The following ITPR1 variants were observed in gnomAD, a reference collection of about 807,000 sequenced individuals.
ITPR1 encodes the protein inositol 1,4,5-trisphosphate-gated calcium channel ITPR1.
ITPR1 carries 96 observed loss-of-function variants against 318.4 expected under a neutral mutation model. The observed-to-expected ratio is 0.30, with a 90% confidence interval of 0.26 to 0.36. ITPR1 has a LOEUF of 0.36. Ranked by LOEUF, ITPR1 falls within the 10% of genes least tolerant of loss-of-function variation. The pLI, the probability that ITPR1 is intolerant of heterozygous loss-of-function variation, is 1.00. For missense variants in ITPR1, 2,440 were observed against 3,460.2 expected (o/e 0.71, Z 7.40); for synonymous variants, 1,312 against 1,289.9 (o/e 1.02, Z -0.37).
chr3:4,655,148 T>A (rs2093678109), intron 12 of ITPR1, among the ~76,000 whole-genome samples: 1 of 152,214 alleles, frequency 6.6e-6, no homozygotes, highest in Non-Finnish European at 1.5e-5. Flanking sequence ...AGGGACGTCA[T>A]GTTTCACAGG....
Position 4,711,620 on chromosome 3 carries a change from C to A in ITPR1, c.4992-137C>A, listed in dbSNP as rs138857860. 858 of 628,370 alleles carry A rather than the reference C, an allele frequency of 1.4e-3. 10 individuals carry two copies. The East Asian group carries it at 0.021, about 16-fold the overall frequency. 38.9% of individuals were successfully genotyped at this position (628,370 alleles called of 1,614,324 possible). Reference sequence around the variant, plus strand: ...CTGGCTGTTCTCAGTGCAGGGAATGCCCTGAAGTATCTTTAACCTGAGAGC... The same window carrying A: ...CTGGCTGTTCTCAGTGCAGGGAATGACCTGAAGTATCTTTAACCTGAGAGC... On this transcript the variant is annotated intron_variant, in intron 38 of 61. Transcript: ENST00000649015.
chr3:4,838,419 G>GC (rs957798570), intron 61 of ITPR1, among the ~76,000 whole-genome samples: 56 of 151,394 alleles, frequency 3.7e-4, no homozygotes, highest in South Asian at 3.1e-3. Context: ...TTCTGGCACT[G>GC]CCCCCCCAAC....
chr3:4,730,911 C>T (rs974813025), intron 42 of ITPR1, among the ~76,000 whole-genome samples: 1 of 152,136 alleles, frequency 6.6e-6, no homozygotes, highest in Non-Finnish European at 1.5e-5. Context: ...CTGCGGCTTA[C>T]GGGTCTCAGC....
chr3:4,811,454 G>C lies in ITPR1; in HGVS notation c.7462G>C (p.Val2488Leu), dbSNP rs1399082347. ...EVDRLPNETA[V>L]PETGESLASE... The stretch of plus-strand genomic sequence containing the variant: ...AGATAGGCTGCCCAATGAAACAGCT[G>C]TTCCAGGTGGGTTTGGGATCTTCTG... Residue 2488 changes from valine (V) to leucine (L), a missense_variant, in exon 56 of 62, where the codon GTT (valine) becomes CTT (leucine). By Grantham distance (32) the Val-to-Leu change is conservative. Coordinates refer to ENST00000649015, the MANE Select transcript of ITPR1 (RefSeq NM_001378452.1). 1 of 1,612,968 alleles carries C rather than the reference G, an allele frequency of 6.2e-7. No homozygotes were observed.
chr3:4,497,956 A>T (rs762198320), intron 2 of ITPR1, among the ~76,000 whole-genome samples: 1 of 152,230 alleles, frequency 6.6e-6, no homozygotes, highest in South Asian at 2.1e-4. Flanking sequence ...AAAAGGACAC[A>T]TATTTTATGA....
intron 7 of ITPR1, among the ~76,000 whole-genome samples, chr3:4,642,700 C>T (rs1465323763): frequency 1.3e-5 from 2 of 152,162 alleles, no homozygotes; most frequent in African/African-American, 4.8e-5. Flanking sequence ...TGTCGAGAAG[C>T]CGGCAGGCTC....
chr3:4,516,701 G>A (rs2082197374), intron 3 of ITPR1, 118 bp downstream of exon 3: 11 of 704,398 alleles, frequency 1.6e-5, no homozygotes, highest in Non-Finnish European at 2.7e-5. Flanking sequence ...TCTAAGTGCG[G>A]TTGAAATCAC....
At chr3:4,774,536 TCTC>T (rs1258390583) in intron 46 of ITPR1, among the ~76,000 whole-genome samples, 4 of 152,176 alleles carry the variant, frequency 2.6e-5, no homozygotes, top group Admixed American at 6.5e-5. Flanking sequence ...CTGACAAAAA[TCTC>T]CTCATTAAAA....
At chr3:4,764,974 ATG>A (rs879474741) in intron 44 of ITPR1, among the ~76,000 whole-genome samples, 2,483 of 147,822 alleles carry the variant, frequency 0.017, 41 homozygotes, top group South Asian at 0.068. Context: ...GGATGGATGG[ATG>A]GATGGATGGA....
intron 2 of ITPR1, among the ~76,000 whole-genome samples, chr3:4,511,660 C>T (rs1447254236): frequency 6.6e-6 from 1 of 152,168 alleles, no homozygotes; most frequent in African/African-American, 2.4e-5. Flanking sequence ...CATTTTACAG[C>T]TGGGAAAAGT....
At chr3:4,721,617 G>A (rs9812100) in intron 40 of ITPR1, among the ~76,000 whole-genome samples, 49,958 of 152,010 alleles carry the variant, frequency 0.33, 9,613 homozygotes, top group Non-Finnish European at 0.45. Flanking sequence ...TGATTCGAGC[G>A]GCTGGAGATA....
At chr3:4,507,434 C>A (rs918006387) in intron 2 of ITPR1, among the ~76,000 whole-genome samples, 1 of 152,158 alleles carries the variant, frequency 6.6e-6, no homozygotes, top group African/African-American at 2.4e-5. Flanking sequence ...AATTGACCAT[C>A]TCTAAGTCTG....
Position 4,817,980 on chromosome 3 carries a change from A to C in ITPR1, c.7868-102A>C, listed in dbSNP as rs548054607. 3 of 874,942 alleles carry C rather than the reference A, an allele frequency of 3.4e-6. No individual in the cohort carries two copies. In the South Asian group the frequency reaches 6.8e-5, roughly 20 times the overall value. 54.2% of individuals were successfully genotyped at this position (874,942 alleles called of 1,614,324 possible). On this transcript the variant is annotated intron_variant, in intron 59 of 61. Transcript: ENST00000649015. ...GAATCCAACTCTTTATAAAGACAGGAGTGAAACCACAGCCCCCTTTCTACT... is the reference window on the plus strand; with the variant it reads ...GAATCCAACTCTTTATAAAGACAGGCGTGAAACCACAGCCCCCTTTCTACT...
chr3:4,568,944 G>A (rs1308613813), intron 4 of ITPR1, among the ~76,000 whole-genome samples: 1 of 152,122 alleles, frequency 6.6e-6, no homozygotes, highest in Non-Finnish European at 1.5e-5. Flanking sequence ...TTTTAGCCAT[G>A]GTGGAAGGTA....
chr3:4,769,292 G>A (rs111583196), intron 46 of ITPR1, among the ~76,000 whole-genome samples: 1 of 152,110 alleles, frequency 6.6e-6, no homozygotes, highest in Non-Finnish European at 1.5e-5. Flanking sequence ...ACCACATCTT[G>A]TGCACCAACA....
At chr3:4,671,015 G>T (rs770126138) in intron 20 of ITPR1, 89 bp downstream of exon 20, 1 of 939,580 alleles carries the variant, frequency 1.1e-6, no homozygotes, top group Non-Finnish European at 1.5e-6. Flanking sequence ...TTACTTCAAG[G>T]AATCACAAGG....
rs772182178 is a variant in ITPR1 at position 4,691,254 on chromosome 3, T to G, written c.3939T>G (p.Gly1313=). ...TCGTTCACTGCATAGAGACTCACGG[T>G]CGGAATGTCCAGTATATAAAGTTCT... The part of the protein sequence containing the change: ...QHFVHCIETH[G]RNVQYIKFLQ... Residue 1313 remains glycine, a synonymous_variant, in exon 32 of 62, where the codon GGT becomes GGG. Transcript: ENST00000649015. 1.2e-6 allele frequency: 2 copies of G among 1,613,120 alleles called. No individual in the cohort carries two copies. The highest frequency in any genetic ancestry group is 4.5e-5 in the East Asian group (2 of 44,892).
chr3:4,802,552 G>A (rs926940795), intron 54 of ITPR1, among the ~76,000 whole-genome samples: 16 of 152,186 alleles, frequency 1.1e-4, no homozygotes, highest in Non-Finnish European at 1.6e-4. Context: ...GCTGGGCACC[G>A]TGGCTCAAGC....
chr3:4,836,735 CTTTTTTT>C lies in ITPR1; in HGVS notation c.8029-21_8029-15del, dbSNP rs201029025. 5.1e-5 allele frequency: 55 copies of C among 1,070,390 alleles called. No homozygotes were observed. In the Middle Eastern group the frequency reaches 1.0e-3, roughly 20 times the overall value. The allele number at this position is 1,070,390 out of a possible 1,614,324, so 66.3% of individuals were successfully genotyped here. ...TTTTTACCTCTAGAAGTGACTCAGT[CTTTTTTT>C]TTTTTTTTTTTTTTTTTAATGTGGA... is the stretch of plus-strand genomic sequence containing the variant. On this transcript the variant is annotated intron_variant, in intron 60 of 61. Transcript: ENST00000649015.
Sources: gnomAD v4.1 joint callset for allele counts (sites outside exome capture counted in the v4.1 genomes callset) on GRCh38, gnomAD v4.1.1 for gene constraint, MANE v1.5 for transcripts, NCBI Gene and HGNC (gene_info 2026-07-23, HGNC 2026-07-21) for gene names.